Variants in GRID1 observed in about 807,000 individuals in gnomAD.
The protein encoded by GRID1 is glutamate receptor ionotropic, delta-1.
GRID1 carries 28 observed loss-of-function variants against 98.0 expected under a neutral mutation model. That is an observed-to-expected ratio of 0.29 (90% confidence interval 0.21 to 0.39). The LOEUF (loss-of-function observed/expected upper bound fraction) is 0.39, where lower values mean the gene tolerates loss of function less well. GRID1 is among the 10% of genes least tolerant of loss of function. The pLI is 1.00. For missense variants in GRID1, 1,111 were observed against 1,340.5 expected (o/e 0.83, Z 2.67); for synonymous variants, 553 against 538.5 (o/e 1.03, Z -0.37).
At chr10:85,648,660 C>T (rs1287641703) in intron 12 of GRID1, among the ~76,000 whole-genome samples, 1 of 152,208 alleles carries the variant, frequency 6.6e-6, no homozygotes, top group East Asian at 1.9e-4. Context: ...CACACACTCC[C>T]CATCCATGGC....
Position 86,206,269 on chromosome 10 carries a change from C to T in GRID1, c.520+95G>A. The T allele has an allele frequency of 8.0e-7, 1 of 1,247,182 alleles. No individual in the cohort carries two copies. Among genetic ancestry groups the T allele is most frequent in the Non-Finnish European group, 1.1e-6 (1 of 898,698 alleles). 77.3% of individuals were successfully genotyped at this position (1,247,182 alleles called of 1,614,324 possible). A position where few individuals can be genotyped will look rare whatever the true frequency, so the allele number is the denominator to read the frequency against. ...GGAGGCCCACTCAGCACAGACCACC[C>T]CTGACCGGTCCAGGGCCCCACCCAC... On this transcript the variant is annotated intron_variant, in intron 3 of 15. Coordinates refer to ENST00000327946, the MANE Select transcript of GRID1 (RefSeq NM_017551.3). This position sits in a 1 kb window ranked among gnomAD's most constrained non-coding sequence, Gnocchi z 4.1.
chr10:86,210,210 C>T (rs1038532284), intron 2 of GRID1, among the ~76,000 whole-genome samples: 2 of 152,142 alleles, frequency 1.3e-5, no homozygotes, highest in Non-Finnish European at 2.9e-5. Context: ...AGGAGAGCAG[C>T]ACAAGGTGGG....
chr10:86,025,343 T>C (rs900587580), intron 4 of GRID1, among the ~76,000 whole-genome samples: 4 of 152,238 alleles, frequency 2.6e-5, no homozygotes, highest in Non-Finnish European at 4.4e-5. Context: ...ATCAAAACTA[T>C]GCAGCTCAAG....
chr10:86,299,543 T>C (rs1484519084), intron 2 of GRID1, among the ~76,000 whole-genome samples: 1 of 150,584 alleles, frequency 6.6e-6, no homozygotes, highest in Admixed American at 6.6e-5. Flanking sequence ...GAAACCATCA[T>C]TCTCAGCAAA....
intron 12 of GRID1, among the ~76,000 whole-genome samples, chr10:85,652,391 A>G (rs547456061): frequency 5.2e-5 from 8 of 152,388 alleles, no homozygotes; most frequent in Non-Finnish European, 1.0e-4. Context: ...ATCAATATTC[A>G]GTATACGTAA....
chr10:86,285,020 C>A (rs965519471), intron 2 of GRID1, among the ~76,000 whole-genome samples: 6 of 152,150 alleles, frequency 3.9e-5, no homozygotes, highest in African/African-American at 1.2e-4. Context: ...GCCTCTCCAG[C>A]CCACAGGTGG....
chr10:86,363,414 C>G (rs1848628737), intron 2 of GRID1, among the ~76,000 whole-genome samples: 2 of 152,242 alleles, frequency 1.3e-5, no homozygotes, highest in Admixed American at 1.3e-4. Flanking sequence ...CAGAGAAGCG[C>G]CGGGCTGAGG....
chr10:85,826,249 C>T (rs566199218), intron 8 of GRID1, among the ~76,000 whole-genome samples: 4 of 152,250 alleles, frequency 2.6e-5, no homozygotes, highest in African/African-American at 4.8e-5. Flanking sequence ...GCAGGAGAAT[C>T]GCTTGAACCC....
At chr10:85,817,886 G>A (rs548134707) in intron 8 of GRID1, among the ~76,000 whole-genome samples, 14 of 151,886 alleles carry the variant, frequency 9.2e-5, no homozygotes, top group South Asian at 4.2e-4. Context: ...ACAAGACTCC[G>A]TCTCAGAAAA....
At chr10:85,638,590 T>TA (rs1843077417) in intron 13 of GRID1, among the ~76,000 whole-genome samples, 1 of 152,206 alleles carries the variant, frequency 6.6e-6, no homozygotes, top group Non-Finnish European at 1.5e-5. Flanking sequence ...GTCAATTGAT[T>TA]AAATACAAAT....
intron 2 of GRID1, among the ~76,000 whole-genome samples, chr10:86,305,256 C>T (rs1388732106): frequency 6.6e-6 from 1 of 152,188 alleles, no homozygotes. Context: ...CTCATGTAAG[C>T]TAATTCCATC....
At chr10:86,286,006 G>A (rs1390773912) in intron 2 of GRID1, among the ~76,000 whole-genome samples, 3 of 152,204 alleles carry the variant, frequency 2.0e-5, no homozygotes, top group African/African-American at 7.2e-5. Context: ...ATAAGTATAG[G>A]TGAGATGTAG....
chr10:86,251,751 G>A (rs1055489141), intron 2 of GRID1, among the ~76,000 whole-genome samples: 6 of 152,102 alleles, frequency 3.9e-5, no homozygotes, highest in African/African-American at 1.4e-4. Context: ...CCTTCACCAG[G>A]GGTCAGGAAG....
At chr10:85,789,431 G>C (rs1378269737) in intron 8 of GRID1, among the ~76,000 whole-genome samples, 2 of 152,100 alleles carry the variant, frequency 1.3e-5, no homozygotes, top group Admixed American at 1.3e-4. Flanking sequence ...TAATATAGAG[G>C]TGTCTCTCTC....
At chr10:85,647,003 C>G in intron 13 of GRID1, 199 bp downstream of exon 13, 1 of 615,150 alleles carries the variant, frequency 1.6e-6, no homozygotes, top group Non-Finnish European at 2.9e-6. Flanking sequence ...CAGCACCACT[C>G]TACAAAGTTG....
At chr10:85,820,213 C>A (rs1158880820) in intron 8 of GRID1, among the ~76,000 whole-genome samples, 1 of 148,160 alleles carries the variant, frequency 6.7e-6, no homozygotes, top group Non-Finnish European at 1.5e-5. Context: ...AAATGAGGAG[C>A]TTTCTACAAA....
intron 2 of GRID1, among the ~76,000 whole-genome samples, chr10:86,280,089 G>T (rs1847336080): frequency 6.6e-6 from 1 of 152,040 alleles, no homozygotes; most frequent in Admixed American, 6.6e-5. Context: ...TTTACTCGCA[G>T]CTACCCAGGA....
At chr10:85,663,370 T>G (rs974746016) in intron 12 of GRID1, among the ~76,000 whole-genome samples, 1 of 152,164 alleles carries the variant, frequency 6.6e-6, no homozygotes, top group Non-Finnish European at 1.5e-5. Flanking sequence ...ACACCAAAAT[T>G]GCCAGCCACT....
chr10:85,814,059 A>C (rs908230062), intron 8 of GRID1, among the ~76,000 whole-genome samples: 3 of 151,926 alleles, frequency 2.0e-5, no homozygotes, highest in Non-Finnish European at 2.9e-5. Context: ...ACAACCAAAA[A>C]ATTAATAAGA....
Sources: gnomAD v4.1 joint callset for allele counts (sites outside exome capture counted in the v4.1 genomes callset) on GRCh38, gnomAD v4.1.1 for gene constraint, Gnocchi (gnomAD v3.1) non-coding constraint, MANE v1.5 for transcripts, NCBI Gene and HGNC (gene_info 2026-07-23, HGNC 2026-07-21) for gene names.